The following DHRS4 variants were observed in gnomAD, a reference collection of about 807,000 sequenced individuals.
DHRS4 encodes dehydrogenase/reductase SDR family member 4.
In DHRS4, 20 loss-of-function variants were observed where a neutral mutation model predicts 28.4. The ratio of observed to expected loss-of-function variants is 0.71; its 90% CI spans 0.50 to 1.02. The LOEUF (loss-of-function observed/expected upper bound fraction) is 1.02. Ranked by LOEUF, DHRS4 falls within the 50% of genes least tolerant of loss-of-function variation. The probability of loss-of-function intolerance (pLI) is 0.00; values close to 1 mark genes in which losing one functional copy is unlikely to be tolerated. For synonymous variants in DHRS4, 144 were observed against 146.4 expected (o/e 0.98, Z 0.12); for missense variants, 378 against 367.2 (o/e 1.03, Z -0.24).
At chr14:23,964,989 T>A (rs1283082252) in intron 3 of DHRS4, among the ~76,000 whole-genome samples, 1 of 151,542 alleles carries the variant, frequency 6.6e-6, no homozygotes, top group African/African-American at 2.4e-5. Context: ...CAATGGTTCA[T>A]TTAAAAAACT....
chr14:23,968,859 G>A lies in DHRS4; in HGVS notation c.825G>A (p.Pro275=), dbSNP rs772983914. Residue 275 remains proline, a synonymous_variant, in exon 8 of 8, where the codon CCG becomes CCA. Transcript: ENST00000313250. ...CAGTGGTGGTGGGTGGAGGAACCCC[G>A]TCCCGCCTCTGAGGACCGGGAGACA... is the stretch of plus-strand genomic sequence containing the variant. ...GETVVVGGGT[P]SRL is the part of the protein sequence containing the mutation. 1.2e-6 allele frequency: 2 copies of A among 1,607,482 alleles called. No homozygotes were observed. The highest frequency in any genetic ancestry group is 4.5e-5 in the East Asian group (2 of 44,584).
chr14:23,968,660 T>C (rs1202399124), intron 7 of DHRS4, 97 bp from the exon 8 acceptor site: 9 of 1,548,922 alleles, frequency 5.8e-6, no homozygotes, highest in Non-Finnish European at 7.9e-6. Context: ...AGCCATCTGA[T>C]AATTCTTGAT....
chr14:23,960,041 C>G, intron 3 of DHRS4, 38 bp downstream of exon 3: 3 of 1,567,610 alleles, frequency 1.9e-6, no homozygotes. Flanking sequence ...GGGGGGGGCG[C>G]CTTGGAACAC....
chr14:23,957,163 A>C (rs1048889270), intron 2 of DHRS4, among the ~76,000 whole-genome samples: 3 of 152,226 alleles, frequency 2.0e-5, no homozygotes, highest in African/African-American at 7.2e-5. Flanking sequence ...CCCAAGAGAC[A>C]TTCAGTGGAA....
intron 3 of DHRS4, among the ~76,000 whole-genome samples, chr14:23,960,752 C>T (rs1298388536): frequency 6.6e-6 from 1 of 152,044 alleles, no homozygotes; most frequent in Non-Finnish European, 1.5e-5. Context: ...GCGTTTTACA[C>T]TGATGTTGTA....
rs201142570 is a variant in DHRS4, at chr14:23,966,370, G to A, written c.619G>A (p.Val207Met). Reference protein sequence around the residue: ...AIELAPRNIRVNCLAPGLIKT... With the variant: ...AIELAPRNIRMNCLAPGLIKT... ...AGAGCTGGCCCCAAGGAACATTAGG[G>A]TGAACTGCCTAGCACCTGGACTTAT... The change falls in exon 6 of 8, where the codon GTG becomes ATG. Residue 207 changes from valine to methionine, a missense_variant. Val to Met is a conservative substitution (Grantham distance 21). Coordinates refer to ENST00000313250, the MANE Select transcript of DHRS4 (RefSeq NM_021004.4). 144 of 1,614,060 alleles carry A rather than the reference G, an allele frequency of 8.9e-5. No individual in the cohort carries two copies. The highest frequency in any genetic ancestry group is 1.2e-4 in the Non-Finnish European group (137 of 1,180,030).
chr14:23,958,898 G>T (rs1298122547), intron 2 of DHRS4, among the ~76,000 whole-genome samples: 1 of 152,144 alleles, frequency 6.6e-6, no homozygotes, highest in Non-Finnish European at 1.5e-5. Flanking sequence ...TGCCACTACT[G>T]AACTATAAGA....
chr14:23,954,133 C>A, intron 1 of DHRS4: 1 of 684,578 alleles, frequency 1.5e-6, no homozygotes, highest in Non-Finnish European at 2.4e-6. Flanking sequence ...ACCTCTGGCA[C>A]AACTGTGCCA....
intron 6 of DHRS4, 53 bp downstream of exon 6, chr14:23,966,470 T>C: frequency 2.5e-6 from 4 of 1,607,076 alleles, no homozygotes; most frequent in Non-Finnish European, 3.4e-6. Context: ...GGCATCCATC[T>C]TCTTGGACAG....
Position 23,969,040 on chromosome 14 carries a change from T to G in DHRS4, c.*169T>G. The G allele has an allele frequency of 3.0e-6, 4 of 1,336,904 alleles. No homozygotes were observed. The highest frequency in any genetic ancestry group is 4.0e-6 in the Non-Finnish European group (4 of 1,008,558). 82.8% of individuals were successfully genotyped at this position (1,336,904 alleles called of 1,614,324 possible). A position where few individuals can be genotyped will look rare whatever the true frequency, so the allele number is the denominator to read the frequency against. On this transcript the variant is annotated 3_prime_UTR_variant, in exon 8 of 8. Coordinates refer to ENST00000313250, the MANE Select transcript of DHRS4 (RefSeq NM_021004.4). ...CCCTGCCGTCAAGGTGGCGTCTTAC[T>G]CGGGATTTCTGCTGTTGTTGTGGCC...
rs768073568 is a variant in DHRS4 at position 23,967,162 on chromosome 14, A to C, written c.667-49A>C. The C allele has an allele frequency of 3.2e-6, 5 of 1,568,980 alleles. No homozygotes were observed. The South Asian group carries it at 5.9e-5, about 19-fold the overall frequency. On this transcript the variant is annotated intron_variant, in intron 6 of 7. Transcript: ENST00000313250. ...GAGCAAGACTCCGTCTCTAAAAAGA[A>C]AAAGAAAAAGAAAAAAAAAACATAA...
intron 2 of DHRS4, among the ~76,000 whole-genome samples, chr14:23,955,553 G>A (rs1053021225): frequency 2.6e-5 from 4 of 152,104 alleles, no homozygotes; most frequent in Non-Finnish European, 4.4e-5. Flanking sequence ...AGCTTATAGA[G>A]TCAAGTCCCT....
chr14:23,954,607 A>C (rs1566466084), intron 1 of DHRS4, among the ~76,000 whole-genome samples: 1 of 152,242 alleles, frequency 6.6e-6, no homozygotes. Flanking sequence ...ATCTTTTCAC[A>C]TGCACCCCAA....
rs142533242 is a variant in DHRS4, at chr14:23,955,122, G to C, written c.216G>C (p.Ala72=). The C allele has an allele frequency of 2.2e-4, 349 of 1,613,942 alleles. No individual in the cohort carries two copies. Among genetic ancestry groups the C allele is most frequent in the Non-Finnish European group, 2.7e-4 (320 of 1,179,930 alleles). ...SSRKQQNVDQ[A]VATLQGEGLS... is the part of the protein sequence containing the mutation. ...GGAAGCAGCAGAATGTGGACCAGGC[G>C]GTGGCCACGCTGCAGGGGGAGGGGC... Residue 72 remains alanine (A), a synonymous_variant, in exon 2 of 8, where the codon GCG becomes GCC. Transcript: ENST00000313250.
chr14:23,960,935 G>A (rs1054537593), intron 3 of DHRS4, among the ~76,000 whole-genome samples: 2 of 148,538 alleles, frequency 1.3e-5, no homozygotes, highest in Non-Finnish European at 2.9e-5. Flanking sequence ...AAGGGAGCAA[G>A]TGTGTCACAT....
intron 2 of DHRS4, among the ~76,000 whole-genome samples, chr14:23,957,239 A>G (rs538073108): frequency 3.5e-4 from 54 of 152,312 alleles, no homozygotes; most frequent in African/African-American, 7.9e-4. Context: ...ATGACTCTCA[A>G]GTAGTTTGTA....
In DHRS4 at chr14:23,965,936, G is replaced by T. The variant is rs1423288255; in HGVS notation, c.484G>T (p.Gly162Cys). Residue 162 changes from glycine (G) to cysteine (C), a missense_variant, in exon 5 of 8, where the codon GGC becomes TGC. Transcript: ENST00000313250. ...TCAGCTCTCTTCTTTTTCCAGAGGC[G>T]GCTCAGTGGTGATCGTGTCTTCCAT... ...VVPEMEKRGG[G>C]SVVIVSSIAA... is the part of the protein sequence containing the mutation. The T allele has an allele frequency of 6.2e-7, 1 of 1,608,520 alleles. No homozygotes were observed. Among genetic ancestry groups the T allele is most frequent in the Non-Finnish European group, 8.5e-7 (1 of 1,176,764 alleles).
intron 1 of DHRS4, 79 bp downstream of exon 1, chr14:23,953,995 C>A: frequency 6.5e-7 from 1 of 1,530,496 alleles, no homozygotes; most frequent in Non-Finnish European, 8.8e-7. Flanking sequence ...GCCTCCGGTG[C>A]CCCTGTCCTC....
chr14:23,966,933 A>C (rs1272203726), intron 6 of DHRS4, among the ~76,000 whole-genome samples: 1 of 152,260 alleles, frequency 6.6e-6, no homozygotes, highest in Non-Finnish European at 1.5e-5. Context: ...AGGCGGGCAG[A>C]TCACGAGGTC....
Sources: gnomAD v4.1 joint callset for allele counts (sites outside exome capture counted in the v4.1 genomes callset) on GRCh38, gnomAD v4.1.1 for gene constraint, MANE v1.5 for transcripts, NCBI Gene and HGNC (gene_info 2026-07-23, HGNC 2026-07-21) for gene names.